FBXW10B: variants seen among roughly 807,000 people sequenced by gnomAD.
The protein encoded by FBXW10B is F-box and WD repeat domain containing protein 10B.
chr17:15,577,255 T>C, the FBXW10B span, among the ~76,000 whole-genome samples: 3 of 152,166 alleles, frequency 2.0e-5, no homozygotes, highest in Admixed American at 6.6e-5. Flanking sequence ...GTAGAGAACT[T>C]GTTCTTAAAA....
the FBXW10B span, among the ~76,000 whole-genome samples, chr17:15,617,111 G>A: frequency 3.6e-4 from 55 of 152,158 alleles, no homozygotes; most frequent in African/African-American, 1.2e-3. Context: ...ATATTAAGTC[G>A]GTTGATCTCC....
At chr17:15,615,614 A>G in the FBXW10B span, 3 of 1,613,278 alleles carry the variant, frequency 1.9e-6, no homozygotes, top group Non-Finnish European at 8.5e-7. Context: ...CACCTAGCCC[A>G]TATTGGCTTT....
the FBXW10B span, among the ~76,000 whole-genome samples, chr17:15,596,889 C>T: frequency 1.3e-5 from 2 of 152,078 alleles, no homozygotes; most frequent in Non-Finnish European, 2.9e-5. Context: ...TGAGGGAGCC[C>T]GCAATCCAGA....
At chr17:15,610,803 T>C in the FBXW10B span, among the ~76,000 whole-genome samples, 14 of 152,308 alleles carry the variant, frequency 9.2e-5, no homozygotes, top group South Asian at 2.7e-3. Context: ...CATTACTGAC[T>C]GTATCACCCA....
chr17:15,577,306 A>G, the FBXW10B span, among the ~76,000 whole-genome samples: 1 of 152,274 alleles, frequency 6.6e-6, no homozygotes, highest in East Asian at 1.9e-4. Flanking sequence ...AGAGTTCACA[A>G]AAACTTTTTG....
At chr17:15,579,253 T>C in the FBXW10B span, among the ~76,000 whole-genome samples, 10,358 of 152,120 alleles carry the variant, frequency 0.068, 1,118 homozygotes, top group African/African-American at 0.22. Flanking sequence ...TTACATTCTT[T>C]GCATTTCTTT....
At chr17:15,577,078 CAG>C in the FBXW10B span, among the ~76,000 whole-genome samples, 2 of 148,872 alleles carry the variant, frequency 1.3e-5, no homozygotes, top group African/African-American at 5.0e-5. Flanking sequence ...TAAAGCTCTG[CAG>C]AGTTTCTAAG....
At chr17:15,613,170 C>A in the FBXW10B span, among the ~76,000 whole-genome samples, 1 of 151,420 alleles carries the variant, frequency 6.6e-6, no homozygotes, top group Admixed American at 6.6e-5. Context: ...TGGCAAGAAA[C>A]TGAGAAGTAA....
At chr17:15,613,585 A>T in the FBXW10B span, 2 of 1,529,852 alleles carry the variant, frequency 1.3e-6, no homozygotes, top group Non-Finnish European at 8.8e-7. Flanking sequence ...CTGGTCTCAG[A>T]CATTCCCCTT....
At chr17:15,574,199 A>G in the FBXW10B span, 14 of 703,776 alleles carry the variant, frequency 2.0e-5, no homozygotes, top group South Asian at 2.1e-4. Context: ...AGCAGACACA[A>G]AAGGAAAAAA....
the FBXW10B span, chr17:15,568,792 A>G: frequency 2.0e-5 from 23 of 1,145,328 alleles, no homozygotes; most frequent in Non-Finnish European, 2.2e-5. Context: ...CCTATAAGCC[A>G]TCCTAGGCAC....
chr17:15,605,185 A>G, the FBXW10B span: 1 of 1,589,100 alleles, frequency 6.3e-7, no homozygotes, highest in South Asian at 1.2e-5. Context: ...TCTAGGCCCT[A>G]GGTGGGACAG....
At chr17:15,600,077 G>A in the FBXW10B span, among the ~76,000 whole-genome samples, 4 of 151,628 alleles carry the variant, frequency 2.6e-5, no homozygotes, top group African/African-American at 4.9e-5. Flanking sequence ...TTAGCCGGGC[G>A]TGGTGGCAGG....
At chr17:15,593,503 G>A in the FBXW10B span, 1 of 1,614,078 alleles carries the variant, frequency 6.2e-7, no homozygotes, top group South Asian at 1.1e-5. Context: ...TCTCTGGAAG[G>A]GAACAGAGTA....
the FBXW10B span, among the ~76,000 whole-genome samples, chr17:15,617,297 C>T: frequency 6.6e-6 from 1 of 152,030 alleles, no homozygotes; most frequent in Non-Finnish European, 1.5e-5. Flanking sequence ...CAAATATGAC[C>T]ACCTGTCAGG....
the FBXW10B span, among the ~76,000 whole-genome samples, chr17:15,568,186 G>A: frequency 4.6e-5 from 7 of 152,210 alleles, no homozygotes; most frequent in South Asian, 2.1e-4. Context: ...GGCAACACAC[G>A]TGCATTAAAA....
chr17:15,607,670 A>G, the FBXW10B span: 159 of 1,613,324 alleles, frequency 9.9e-5, no homozygotes, highest in Non-Finnish European at 1.3e-4. Context: ...TGCAGTCCAC[A>G]GGTTGTACTC....
the FBXW10B span, chr17:15,595,011 C>A: frequency 7.1e-7 from 1 of 1,418,322 alleles, no homozygotes; most frequent in Non-Finnish European, 9.6e-7. Flanking sequence ...GCCATTCACT[C>A]GGTAGGTACC....
the FBXW10B span, chr17:15,619,483 A>G: frequency 1.2e-6 from 2 of 1,613,254 alleles, no homozygotes; most frequent in East Asian, 4.5e-5. Context: ...AATAGGGGGC[A>G]TTCTTGAGCC....
Sources: allele counts gnomAD v4.1 joint callset (sites outside exome capture counted in the v4.1 genomes callset), GRCh38; gene constraint gnomAD v4.1.1; transcripts MANE v1.5; gene names NCBI Gene and HGNC (gene_info 2026-07-23, HGNC 2026-07-21).